Variants in NRN1L observed in about 807,000 individuals in gnomAD.
NRN1L encodes neuritin-like protein.
Under a neutral mutation model 8.8 loss-of-function variants are expected in NRN1L, and 12 were observed. The ratio of observed to expected loss-of-function variants is 1.36; its 90% CI spans 0.87 to 2.20. The LOEUF is 2.20. Ranked by LOEUF, NRN1L falls within the 30% of genes most tolerant of loss-of-function variation. NRN1L has a pLI of 0.00. For synonymous variants in NRN1L, 114 were observed against 99.2 expected, an observed-to-expected ratio of 1.15 and a Z score of -0.88; for missense variants, 266 against 232.4, an observed-to-expected ratio of 1.14 and a Z score of -0.94.
downstream of NRN1L, among the ~76,000 whole-genome samples, chr16:67,888,368 C>T (rs2058102496): frequency 6.6e-6 from 1 of 152,102 alleles, no homozygotes. Flanking sequence ...CAGAGCTGGT[C>T]TTGGATGGCT....
downstream of NRN1L, chr16:67,886,408 G>A (rs1032272601): frequency 7.6e-6 from 6 of 788,028 alleles, no homozygotes; most frequent in Admixed American, 6.0e-5. Flanking sequence ...CCTTGCTTGC[G>A]GCTGGGGCCA....
rs1306133404 is a variant in NRN1L at position 67,885,755 on chromosome 16, G to A, written c.113G>A (p.Gly38Asp). The A allele has an allele frequency of 3.1e-6, 5 of 1,608,552 alleles. No individual in the cohort carries two copies. In the East Asian group the frequency reaches 1.1e-4, roughly 36 times the overall value. ...LLPPLAAAAA[G>D]PNRCDTIYQG... ...CCTCCCCTGGCAGCAGCTGCAGCGG[G>A]CCCAAACCGATGTGACACCATATAC... The change falls in exon 2 of 3, where the codon GGC (glycine) becomes GAC (aspartate). Residue 38 changes from glycine to aspartate, a missense_variant. Transcript: ENST00000339176.
At chr16:67,888,439 G>A (rs10468274), downstream of NRN1L, among the ~76,000 whole-genome samples, 46,249 of 151,972 alleles carry the variant, frequency 0.3, 10,382 homozygotes, top group African/African-American at 0.63. Flanking sequence ...TCCTGCTGTG[G>A]CCTACTTTTC....
chr16:67,886,156 A>G lies in NRN1L; in HGVS notation c.395A>G (p.Gln132Arg). The change falls in exon 3 of 3, where the codon CAG (glutamine) becomes CGG (arginine). Residue 132 changes from glutamine to arginine, a missense_variant. Transcript: ENST00000339176. ...RERGTGSETN[Q>R]ETLRATAPAL... ...CGCGGCACAGGCTCCGAAACCAACC[A>G]GGAGACGCTGCGGGCTACAGCGCCT... 6.2e-7 allele frequency: 1 copy of G among 1,609,876 alleles called. No homozygotes were observed.
In NRN1L at chr16:67,886,215, G is replaced by A; in HGVS notation, c.454G>A (p.Ala152Thr). 1 of 1,600,376 alleles carries A rather than the reference G, an allele frequency of 6.2e-7. No individual in the cohort carries two copies. Among genetic ancestry groups the A allele is most frequent in the Non-Finnish European group, 8.5e-7 (1 of 1,178,948 alleles). Residue 152 changes from alanine (A) to threonine (T), a missense_variant, in exon 3 of 3, where the codon GCG becomes ACG. Transcript: ENST00000339176. ...CATGGCCCCTGCGCCCCCACTGCTG[G>A]CGGCTGCTCTGGCTCTGGCCTACCT... The part of the protein sequence containing the change: ...LPMAPAPPLL[A>T]AALALAYLLR...
At chr16:67,887,640 T>C (rs954697049), downstream of NRN1L, among the ~76,000 whole-genome samples, 9 of 149,950 alleles carry the variant, frequency 6.0e-5, 1 homozygote, top group African/African-American at 2.2e-4. Flanking sequence ...TAGAGTGCAA[T>C]GGCGCGATCT....
rs187638337 is a variant in NRN1L, at chr16:67,886,085, G to A, written c.324G>A (p.Pro108=). ...LQQEARQAPR[P]NNLHTLCGAP... The stretch of plus-strand genomic sequence containing the variant: ...AAGAAGCTCGCCAGGCCCCCCGTCC[G>A]AATAACTTGCACACTCTGTGCGGTG... Residue 108 remains proline (P), a synonymous_variant, in exon 3 of 3, where the codon CCG becomes CCA. Coordinates refer to ENST00000339176, the MANE Select transcript of NRN1L (RefSeq NM_198443.2). 39 of 1,613,188 alleles carry A rather than the reference G, an allele frequency of 2.4e-5. No homozygotes were observed. Among genetic ancestry groups the A allele is most frequent in the Admixed American group, 2.0e-4 (12 of 59,884 alleles).
chr16:67,885,559 A>C, intron 1 of NRN1L, 163 bp from the exon 2 acceptor site: 2 of 588,378 alleles, frequency 3.4e-6, no homozygotes, highest in East Asian at 3.1e-5. Flanking sequence ...GGGCCTGGGT[A>C]GGTAATCCCC....
At chr16:67,885,894 C>G (rs373144527) in intron 2 of NRN1L, 40 bp downstream of exon 2, 10 of 1,574,610 alleles carry the variant, frequency 6.4e-6, no homozygotes, top group Middle Eastern at 1.7e-4. Flanking sequence ...CCTGTGCCAC[C>G]ATTGGGGACT....
rs772551812 is a variant in NRN1L at position 67,886,241 on chromosome 16, C to T, written c.480C>T (p.Leu160=). The T allele has an allele frequency of 1.3e-6, 2 of 1,594,876 alleles. No homozygotes were observed. Among genetic ancestry groups the T allele is most frequent in the Non-Finnish European group, 1.7e-6 (2 of 1,177,012 alleles). The change falls in exon 3 of 3, where the codon CTC becomes CTT. Residue 160 remains leucine, a synonymous_variant. Coordinates refer to ENST00000339176, the MANE Select transcript of NRN1L (RefSeq NM_198443.2). ...CGGCTGCTCTGGCTCTGGCCTACCT[C>T]CTGAGGCCTCTGGCCTAGCTTGTTG... ...LLAAALALAY[L]LRPLA is the part of the protein sequence containing the mutation.
chr16:67,885,557 G>A (rs917370634), intron 1 of NRN1L, 165 bp from the exon 2 acceptor site: 1 of 596,506 alleles, frequency 1.7e-6, no homozygotes, highest in Non-Finnish European at 3.0e-6. Context: ...GGGGGCCTGG[G>A]TAGGTAATCC....
In NRN1L at chr16:67,886,233, G is replaced by A; in HGVS notation, c.472G>A (p.Ala158Thr). 6.3e-7 allele frequency: 1 copy of A among 1,597,296 alleles called. No individual in the cohort carries two copies. Among genetic ancestry groups the A allele is most frequent in the South Asian group, 1.1e-5 (1 of 90,260 alleles). Residue 158 changes from alanine to threonine, a missense_variant, in exon 3 of 3, where the codon GCC becomes ACC. Ala to Thr is a moderately conservative substitution (Grantham distance 58). Transcript: ENST00000339176. ...PPLLAAALAL[A>T]YLLRPLA ...ACTGCTGGCGGCTGCTCTGGCTCTG[G>A]CCTACCTCCTGAGGCCTCTGGCCTA...
At chr16:67,885,039 G>A in intron 1 of NRN1L, 57 bp downstream of exon 1, 4 of 1,471,942 alleles carry the variant, frequency 2.7e-6, no homozygotes, top group Non-Finnish European at 3.8e-6. Flanking sequence ...GCCAAGCCAG[G>A]CTGGGCATAG....
chr16:67,886,175 A>G lies in NRN1L; in HGVS notation c.414A>G (p.Thr138=), dbSNP rs772568146. ...SETNQETLRA[T]APALPMAPAP... is the part of the protein sequence containing the mutation. ...CCAACCAGGAGACGCTGCGGGCTACAGCGCCTGCACTCCCCATGGCCCCTG... is the reference window on the plus strand; with the variant it reads ...CCAACCAGGAGACGCTGCGGGCTACGGCGCCTGCACTCCCCATGGCCCCTG... The change falls in exon 3 of 3, where the codon ACA becomes ACG. Residue 138 remains threonine (T), a synonymous_variant. Coordinates refer to ENST00000339176, the MANE Select transcript of NRN1L (RefSeq NM_198443.2). 3.1e-6 allele frequency: 5 copies of G among 1,605,824 alleles called. No individual in the cohort carries two copies. Among genetic ancestry groups the G allele is most frequent in the East Asian group, 4.5e-5 (2 of 44,834 alleles).
At chr16:67,887,749 A>AT (rs1274215537), downstream of NRN1L, among the ~76,000 whole-genome samples, 3 of 151,558 alleles carry the variant, frequency 2.0e-5, no homozygotes, top group Non-Finnish European at 2.9e-5. Flanking sequence ...CGCCTGGCTA[A>AT]TTTTTTTTGT....
chr16:67,885,799 C>A lies in NRN1L; in HGVS notation c.157C>A (p.Leu53Ile). ...CATATACCAGGGCTTCGCCGAGTGT[C>A]TCATCCGCTTGGGGGACAGCATGGG... is the stretch of plus-strand genomic sequence containing the variant. The part of the protein sequence containing the change: ...DTIYQGFAEC[L>I]IRLGDSMGRG... The change falls in exon 2 of 3, where the codon CTC becomes ATC. Residue 53 changes from leucine to isoleucine, a missense_variant. Transcript: ENST00000339176. 6.3e-7 allele frequency: 1 copy of A among 1,591,436 alleles called. No homozygotes were observed. Among genetic ancestry groups the A allele is most frequent in the South Asian group, 1.1e-5 (1 of 87,232 alleles).
chr16:67,885,013 A>G, intron 1 of NRN1L, 31 bp downstream of exon 1: 1 of 1,582,314 alleles, frequency 6.3e-7, no homozygotes, highest in Non-Finnish European at 8.6e-7. Context: ...CCCGGGCCAC[A>G]CCCCCTTCTC....
At chr16:67,888,722 T>G, downstream of NRN1L, 1 of 152,150 alleles carries the variant, frequency 6.6e-6, no homozygotes, top group Non-Finnish European at 1.5e-5. Context: ...ATGGATGTCC[T>G]GAGCCCAGTC....
Position 67,885,713 on chromosome 16 carries a change from C to CCCCAA in NRN1L, c.80-9_80-8insCCCAA. The CCCCAA allele has an allele frequency of 1.3e-6, 2 of 1,509,770 alleles. No individual in the cohort carries two copies. The highest frequency in any genetic ancestry group is 1.8e-6 in the Non-Finnish European group (2 of 1,104,152). The allele number at this position is 1,509,770 out of a possible 1,614,324, so 93.5% of individuals were successfully genotyped here. Reference sequence around the variant, plus strand: ...TTCCTTCCCCACCCCACCCCCGCCCCACTTCTAGTCCTTTTACCTCCCCTG... The same window carrying CCCCAA: ...TTCCTTCCCCACCCCACCCCCGCCCCCCCAAACTTCTAGTCCTTTTACCTCCCCTG... On this transcript the variant is annotated splice_polypyrimidine_tract_variant and intron_variant, in intron 1 of 2. Transcript: ENST00000339176.
Sources: allele counts gnomAD v4.1 joint callset (sites outside exome capture counted in the v4.1 genomes callset), GRCh38; gene constraint gnomAD v4.1.1; transcripts MANE v1.5; gene names NCBI Gene and HGNC (gene_info 2026-07-23, HGNC 2026-07-21).